CCSER1: variants seen among roughly 807,000 people sequenced by gnomAD.
CCSER1 encodes the protein coiled-coil serine rich protein 1.
CCSER1 carries 41 observed loss-of-function variants against 82.0 expected under a neutral mutation model. The observed-to-expected ratio is 0.50, with a 90% CI of 0.39 to 0.65. The LOEUF (loss-of-function observed/expected upper bound fraction) is 0.65. CCSER1 is among the 30% of genes least tolerant of loss of function. The pLI is 0.00. For synonymous variants in CCSER1, 414 were observed against 383.9 expected, an observed-to-expected ratio of 1.08 and a Z score of -0.92; for missense variants, 1,119 against 1,064.2, an observed-to-expected ratio of 1.05 and a Z score of -0.72.
chr4:90,644,329 T>C (rs115037198), intron 6 of CCSER1, among the ~76,000 whole-genome samples: 176 of 152,324 alleles, frequency 1.2e-3, no homozygotes, highest in African/African-American at 4.1e-3. Flanking sequence ...ATAGTTTTGT[T>C]CATGAAGTAA....
chr4:91,217,485 C>A (rs1035296221), intron 10 of CCSER1, among the ~76,000 whole-genome samples: 1 of 152,128 alleles, frequency 6.6e-6, no homozygotes, highest in Non-Finnish European at 1.5e-5. Context: ...CATTCACAAA[C>A]CTTGAGCTAA....
chr4:90,795,081 G>A (rs1479306997), intron 7 of CCSER1, among the ~76,000 whole-genome samples: 1 of 152,058 alleles, frequency 6.6e-6, no homozygotes, highest in African/African-American at 2.4e-5. Flanking sequence ...ACAAGGTCAG[G>A]AGTTCGAGAC....
At chr4:91,415,661 G>T (rs555854570) in intron 10 of CCSER1, among the ~76,000 whole-genome samples, 1 of 152,174 alleles carries the variant, frequency 6.6e-6, no homozygotes, top group South Asian at 2.1e-4. Context: ...ATGTCTATTG[G>T]AATAATCATA....
chr4:90,467,829 G>C (rs904007692), intron 4 of CCSER1, among the ~76,000 whole-genome samples: 1 of 152,228 alleles, frequency 6.6e-6, no homozygotes, highest in Non-Finnish European at 1.5e-5. Flanking sequence ...TTCCAGTAGT[G>C]TTTGGGAAGG....
chr4:91,162,298 A>T (rs915907312), intron 10 of CCSER1, among the ~76,000 whole-genome samples: 1 of 152,204 alleles, frequency 6.6e-6, no homozygotes, highest in Non-Finnish European at 1.5e-5. Context: ...ATAGTGGTGG[A>T]TAAGCTTTTA....
intron 1 of CCSER1, among the ~76,000 whole-genome samples, chr4:90,284,354 T>C (rs1729444814): frequency 6.6e-6 from 1 of 152,124 alleles, no homozygotes; most frequent in African/African-American, 2.4e-5. Context: ...TGTACATTTT[T>C]GCTTTATTTG....
intron 1 of CCSER1, among the ~76,000 whole-genome samples, chr4:90,265,857 C>G (rs1047739588): frequency 6.6e-6 from 1 of 152,070 alleles, no homozygotes; most frequent in African/African-American, 2.4e-5. Flanking sequence ...ACAATCACAT[C>G]CTGAGACTCT....
intron 10 of CCSER1, among the ~76,000 whole-genome samples, chr4:91,316,179 T>A (rs780278099): frequency 6.6e-6 from 1 of 152,030 alleles, no homozygotes; most frequent in Non-Finnish European, 1.5e-5. Flanking sequence ...GCATTAAATA[T>A]CTTTTTATTT....
intron 5 of CCSER1, among the ~76,000 whole-genome samples, chr4:90,515,215 G>A (rs1772101273): frequency 6.6e-6 from 1 of 152,096 alleles, no homozygotes; most frequent in South Asian, 2.1e-4. Context: ...CTACAAAAGA[G>A]GTAAATACAA....
chr4:90,766,542 G>A (rs1751258783), intron 7 of CCSER1, among the ~76,000 whole-genome samples: 1 of 152,116 alleles, frequency 6.6e-6, no homozygotes, highest in Middle Eastern at 3.2e-3. Flanking sequence ...TACTCAGGAG[G>A]CTGAGGCAGG....
At chr4:90,202,202 CTT>C (rs35938889) in intron 1 of CCSER1, among the ~76,000 whole-genome samples, 125 of 137,440 alleles carry the variant, frequency 9.1e-4, no homozygotes, top group Admixed American at 1.2e-3. Flanking sequence ...GTAAGTAAAA[CTT>C]TTTTTTTTTT....
intron 7 of CCSER1, among the ~76,000 whole-genome samples, chr4:90,809,735 A>AAT (rs1758002840): frequency 7.6e-6 from 1 of 131,956 alleles, no homozygotes; most frequent in South Asian, 2.3e-4. Flanking sequence ...TAAGGTAAAA[A>AAT]AAAAAAGTTA....
At chr4:91,204,458 C>T (rs1287065001) in intron 10 of CCSER1, among the ~76,000 whole-genome samples, 1 of 151,706 alleles carries the variant, frequency 6.6e-6, no homozygotes, top group Non-Finnish European at 1.5e-5. Flanking sequence ...TGGGGAAATC[C>T]CACCCCCCAA....
At chr4:91,566,781 T>C (rs1762902307) in intron 10 of CCSER1, among the ~76,000 whole-genome samples, 1 of 152,122 alleles carries the variant, frequency 6.6e-6, no homozygotes, top group South Asian at 2.1e-4. Flanking sequence ...TTCTCTCTAT[T>C]CTTCTTTATT....
rs911307618 is a variant in CCSER1 at position 90,410,632 on chromosome 4, G to T, written c.1603+10503G>T. Among the ~76,000 whole-genome samples the T allele has an allele frequency of 2.0e-5, 3 of 152,246 alleles. No individual in the cohort carries two copies. The South Asian group carries it at 6.2e-4, about 32-fold the overall frequency. ...ATCTCTGGGACACATTCAAAGCAGT[G>T]TGTAGAGGGAAATTTATAGCACTAA... On this transcript the variant is annotated intron_variant, in intron 4 of 10. Transcript: ENST00000509176.
In CCSER1 at chr4:91,598,796, T is replaced by C. The variant is rs1276131820; in HGVS notation, c.2442T>C (p.Thr814=). Residue 814 remains threonine, a synonymous_variant, in exon 11 of 11, where the codon ACT becomes ACC. Transcript: ENST00000509176. ...KHSRGTYETL[T]SDVTQNLRAT... is the part of the protein sequence containing the mutation. ...CAAGAGGAACTTATGAAACCCTCAC[T>C]TCAGACGTTACACAGAACTTACGGG... 6.4e-7 allele frequency: 1 copy of C among 1,551,490 alleles called. No homozygotes were observed. The highest frequency in any genetic ancestry group is 1.4e-5 in the African/African-American group (1 of 73,046).
At chr4:90,411,119 G>A (rs1397869126) in intron 4 of CCSER1, among the ~76,000 whole-genome samples, 3 of 152,168 alleles carry the variant, frequency 2.0e-5, no homozygotes, top group Non-Finnish European at 4.4e-5. Context: ...CTCTGAAATT[G>A]AGGCAATAAT....
At chr4:90,654,706 A>G (rs187564864) in intron 6 of CCSER1, among the ~76,000 whole-genome samples, 5 of 152,054 alleles carry the variant, frequency 3.3e-5, no homozygotes, top group Non-Finnish European at 7.4e-5. Flanking sequence ...TTCTTGGGCT[A>G]TATTATTTAT....
intron 8 of CCSER1, among the ~76,000 whole-genome samples, chr4:90,822,214 T>G (rs1042265362): frequency 3.3e-5 from 5 of 152,218 alleles, no homozygotes; most frequent in African/African-American, 1.2e-4. Context: ...GTGAATTTAC[T>G]GTTTTAACTT....
Sources: gnomAD v4.1 joint callset for allele counts (sites outside exome capture counted in the v4.1 genomes callset) on GRCh38, gnomAD v4.1.1 for gene constraint, MANE v1.5 for transcripts, NCBI Gene and HGNC (gene_info 2026-07-23, HGNC 2026-07-21) for gene names.